The following LGSN variants were observed in gnomAD, a reference collection of about 807,000 sequenced individuals.
LGSN encodes lengsin.
Under a neutral mutation model 19.5 loss-of-function variants are expected in LGSN, and 21 were observed. The ratio of observed to expected loss-of-function variants is 1.07; its 90% CI spans 0.76 to 1.55. The LOEUF is 1.55. LGSN is among the 40% of genes most tolerant of loss of function. The pLI is 0.00. For missense variants in LGSN, 673 were observed against 608.5 expected (o/e 1.11, Z -1.12); for synonymous variants, 257 against 215.6 (o/e 1.19, Z -1.68).
chr6:63,540,682 A>G, the LGSN span, among the ~76,000 whole-genome samples: 2 of 152,130 alleles, frequency 1.3e-5, no homozygotes, highest in Admixed American at 1.3e-4. Flanking sequence ...GATTTCTATC[A>G]CAATACCATT....
the LGSN span, among the ~76,000 whole-genome samples, chr6:63,523,825 A>T: frequency 6.6e-6 from 1 of 152,172 alleles, no homozygotes; most frequent in Non-Finnish European, 1.5e-5. Flanking sequence ...AGAAGCCAAA[A>T]GATTGGACAC....
At chr6:63,353,833 A>G in the LGSN span, among the ~76,000 whole-genome samples, 7 of 152,144 alleles carry the variant, frequency 4.6e-5, no homozygotes, top group African/African-American at 1.7e-4. Flanking sequence ...GAACCTGGAA[A>G]TAAGTCTACA....
At chr6:63,550,252 T>G in the LGSN span, 1 of 152,050 alleles carries the variant, frequency 6.6e-6, no homozygotes, top group South Asian at 2.1e-4. Context: ...TTAATGGCAG[T>G]GTGAAAAAAA....
chr6:63,324,197 C>T (rs1004029744), upstream of LGSN, among the ~76,000 whole-genome samples: 7 of 152,218 alleles, frequency 4.6e-5, no homozygotes, highest in African/African-American at 1.7e-4. Context: ...ATTTTGACCT[C>T]ACAGTCTCCT....
chr6:63,472,452 C>T, the LGSN span, among the ~76,000 whole-genome samples: 1 of 152,138 alleles, frequency 6.6e-6, no homozygotes, highest in Non-Finnish European at 1.5e-5. Flanking sequence ...CTAGGAAAAG[C>T]ACTCAAAAGC....
chr6:63,514,469 C>T, the LGSN span, among the ~76,000 whole-genome samples: 6 of 152,274 alleles, frequency 3.9e-5, no homozygotes, highest in South Asian at 8.3e-4. Context: ...CCCAAGTGTC[C>T]GCCCACCTCG....
the LGSN span, chr6:63,521,685 G>A: frequency 5.3e-5 from 8 of 152,076 alleles, no homozygotes; most frequent in African/African-American, 1.9e-4. Flanking sequence ...CCCTTTCTCT[G>A]CCTCCCCTAC....
the LGSN span, among the ~76,000 whole-genome samples, chr6:63,407,385 C>A: frequency 6.6e-6 from 1 of 152,088 alleles, no homozygotes; most frequent in African/African-American, 2.4e-5. Flanking sequence ...ATACGCAAAT[C>A]AATAAATATA....
chr6:63,363,515 G>A, the LGSN span, among the ~76,000 whole-genome samples: 53 of 152,270 alleles, frequency 3.5e-4, no homozygotes, highest in South Asian at 8.5e-3. Flanking sequence ...ATGACCTGAT[G>A]GAGCTGAAAA....
At chr6:63,371,434 C>T in the LGSN span, among the ~76,000 whole-genome samples, 1 of 152,190 alleles carries the variant, frequency 6.6e-6, no homozygotes, top group Non-Finnish European at 1.5e-5. Context: ...TTAGAAGTTT[C>T]CACTCTGACA....
chr6:63,505,203 C>T, the LGSN span, among the ~76,000 whole-genome samples: 2 of 149,830 alleles, frequency 1.3e-5, no homozygotes, highest in African/African-American at 5.0e-5. Flanking sequence ...GATATCTCCT[C>T]ATCCACCCCC....
the LGSN span, among the ~76,000 whole-genome samples, chr6:63,340,569 T>A: frequency 6.6e-6 from 1 of 151,948 alleles, no homozygotes; most frequent in Admixed American, 6.6e-5. Context: ...CCCTTGTATT[T>A]TTTTTTCCTT....
the LGSN span, among the ~76,000 whole-genome samples, chr6:63,364,612 C>T: frequency 1.5e-4 from 23 of 152,338 alleles, no homozygotes; most frequent in South Asian, 6.2e-4. Flanking sequence ...TAACTCTCCA[C>T]GCCAAATCAA....
the LGSN span, among the ~76,000 whole-genome samples, chr6:63,362,580 C>A: frequency 3.8e-3 from 584 of 152,344 alleles, 4 homozygotes; most frequent in Non-Finnish European, 4.6e-3. Flanking sequence ...GTCTCACACC[C>A]ACAGAGCCTC....
the LGSN span, among the ~76,000 whole-genome samples, chr6:63,327,541 C>T: frequency 5.9e-5 from 9 of 152,098 alleles, no homozygotes; most frequent in Admixed American, 4.6e-4. Flanking sequence ...TAGGCCTCGG[C>T]AGTATTGGAG....
chr6:63,452,055 T>C, the LGSN span, among the ~76,000 whole-genome samples: 2 of 44,486 alleles, frequency 4.5e-5, no homozygotes, highest in East Asian at 1.8e-3. Context: ...TTTTCTTGTC[T>C]TTTTTTTTTT....
the LGSN span, among the ~76,000 whole-genome samples, chr6:63,558,363 T>C: frequency 2.0e-5 from 3 of 151,778 alleles, no homozygotes; most frequent in African/African-American, 7.3e-5. Context: ...AGTAAAAAAT[T>C]AGAAGGAGGG....
chr6:63,359,388 GA>G, the LGSN span, among the ~76,000 whole-genome samples: 1 of 152,292 alleles, frequency 6.6e-6, no homozygotes, highest in East Asian at 1.9e-4. Flanking sequence ...CTATTGATTG[GA>G]AAAGTTTCAG....
the LGSN span, among the ~76,000 whole-genome samples, chr6:63,402,200 T>C: frequency 3.9e-5 from 6 of 152,214 alleles, no homozygotes; most frequent in Non-Finnish European, 7.3e-5. Context: ...CTGAAAACCA[T>C]TGAGCCTGTT....
Sources: allele counts gnomAD v4.1 joint callset (sites outside exome capture counted in the v4.1 genomes callset), GRCh38; gene constraint gnomAD v4.1.1; transcripts MANE v1.5; gene names NCBI Gene and HGNC (gene_info 2026-07-23, HGNC 2026-07-21).